PAXBP1: variants seen among roughly 807,000 people sequenced by gnomAD.
PAXBP1 encodes PAX3- and PAX7-binding protein 1.
PAXBP1 carries 44 observed loss-of-function variants against 119.9 expected under a neutral mutation model. That is an observed-to-expected ratio of 0.37 (90% CI 0.29 to 0.47). PAXBP1 has a LOEUF of 0.47. Among genes scored for constraint, PAXBP1 ranks in the 20% least tolerant of loss-of-function variants. The pLI is 0.99. For synonymous variants in PAXBP1, 393 were observed against 406.6 expected (o/e 0.97, Z 0.40); for missense variants, 898 against 1,134.1 (o/e 0.79, Z 2.99).
chr21:32,771,631 C>G lies in PAXBP1; in HGVS notation c.38G>C (p.Arg13Pro), dbSNP rs1477626593. 1 of 1,455,166 alleles carries G rather than the reference C, an allele frequency of 6.9e-7. No individual in the cohort carries two copies. The highest frequency in any genetic ancestry group is 1.5e-5 in the African/African-American group (1 of 67,708). The allele number at this position is 1,455,166 out of a possible 1,614,324, so 90.1% of individuals were successfully genotyped here. ...RKARRVNVRKRNDSEEEERER... is the reference protein window; with the variant it reads ...RKARRVNVRKPNDSEEEERER... ...CCGCTCTTCCTCTTCGGAGTCGTTC[C>G]GCTTGCGCACGTTCACCCGCCGGGC... is the stretch of plus-strand genomic sequence containing the variant. The change falls in exon 1 of 18, where the codon CGG (arginine) becomes CCG (proline). Residue 13 changes from arginine to proline, a missense_variant. This residue lies in a region of PAXBP1 where 299 missense variants were observed against 281.4 expected (regional missense o/e 1.06). Coordinates refer to ENST00000331923, the MANE Select transcript of PAXBP1 (RefSeq NM_016631.4).
intron 17 of PAXBP1, 69 bp from the exon 18 acceptor site, chr21:32,735,136 A>C: frequency 9.3e-7 from 1 of 1,077,568 alleles, no homozygotes; most frequent in Non-Finnish European, 1.4e-6. Flanking sequence ...TACTGATTTC[A>C]TGGCTATTTT....
intron 10 of PAXBP1, among the ~76,000 whole-genome samples, chr21:32,749,155 G>A (rs1480099514): frequency 9.9e-5 from 15 of 152,018 alleles, no homozygotes; most frequent in Admixed American, 9.8e-4. Flanking sequence ...TCAGCTGAAT[G>A]GATGCTAGGA....
rs780315998 is a variant in PAXBP1 at position 32,759,193 on chromosome 21, T to A, written c.1270A>T (p.Thr424Ser). 1.5e-5 allele frequency: 24 copies of A among 1,614,088 alleles called. No homozygotes were observed. Among genetic ancestry groups the A allele is most frequent in the Non-Finnish European group, 1.9e-5 (22 of 1,179,948 alleles). The change falls in exon 7 of 18, where the codon ACC becomes TCC. Residue 424 changes from threonine to serine, a missense_variant. Transcript: ENST00000331923. ...EKHLQSRVDS[T>S]RAIERLEGSS... is the part of the protein sequence containing the mutation. ...CCTTCTAATCTTTCAATAGCCCTGG[T>A]AGAGTCCACTCGGCTTTGCAGATGT... is the stretch of plus-strand genomic sequence containing the variant.
chr21:32,737,968 T>G (rs1361737660), intron 16 of PAXBP1, among the ~76,000 whole-genome samples: 1 of 150,654 alleles, frequency 6.6e-6, no homozygotes, highest in Non-Finnish European at 1.5e-5. Context: ...TATAGATGGA[T>G]ATATATATAT....
intron 3 of PAXBP1, among the ~76,000 whole-genome samples, chr21:32,763,532 A>G (rs1277494402): frequency 1.3e-5 from 2 of 152,250 alleles, no homozygotes. Flanking sequence ...CCAGAGTAGC[A>G]TATTTTTAAA....
chr21:32,736,898 A>C (rs1367967471), intron 17 of PAXBP1, among the ~76,000 whole-genome samples: 1 of 152,164 alleles, frequency 6.6e-6, no homozygotes, highest in Non-Finnish European at 1.5e-5. Context: ...TAAAACAAAA[A>C]ATCTCCCCAA....
intron 15 of PAXBP1, among the ~76,000 whole-genome samples, chr21:32,739,698 A>G (rs1367824444): frequency 6.6e-6 from 1 of 151,788 alleles, no homozygotes; most frequent in Non-Finnish European, 1.5e-5. Context: ...CGAGGTCAGG[A>G]GATCGAGACC....
chr21:32,752,392 T>C (rs2043970378), intron 8 of PAXBP1, among the ~76,000 whole-genome samples: 1 of 152,196 alleles, frequency 6.6e-6, no homozygotes. Context: ...TTCTACGTTT[T>C]AGTTCCACAC....
chr21:32,769,682 T>C (rs1601614307), intron 2 of PAXBP1, 132 bp downstream of exon 2: 4 of 784,612 alleles, frequency 5.1e-6, no homozygotes, highest in Admixed American at 3.2e-5. Context: ...AACAGAACTG[T>C]ACTGCTACTC....
At chr21:32,750,102 A>G (rs2043936383) in intron 10 of PAXBP1, among the ~76,000 whole-genome samples, 2 of 152,224 alleles carry the variant, frequency 1.3e-5, no homozygotes, top group African/African-American at 4.8e-5. Context: ...TAATCAGAAT[A>G]GGCATCTAAC....
In PAXBP1 at chr21:32,771,481, G is replaced by A. The variant is rs1461953103; in HGVS notation, c.188C>T (p.Pro63Leu). The A allele has an allele frequency of 9.0e-6, 12 of 1,328,752 alleles. No individual in the cohort carries two copies. The highest frequency in any genetic ancestry group is 1.1e-5 in the Non-Finnish European group (12 of 1,046,398). The allele number at this position is 1,328,752 out of a possible 1,614,324, so 82.3% of individuals were successfully genotyped here. Residue 63 changes from proline to leucine, a missense_variant, in exon 1 of 18, where the codon CCG becomes CTG. Physicochemically the swap from Pro to Leu is moderately conservative, Grantham distance 98. Transcript: ENST00000331923. The stretch of plus-strand genomic sequence containing the variant: ...GAGGCCCGGGGTCAGCGCGGAAGGC[G>A]GCGACGGCCCCGGGCCCAGCAGCGA... ...GESLLGPGPS[P>L]PSALTPGLGA...
chr21:32,734,097 G>GATTAAA lies in PAXBP1; in HGVS notation c.*852_*853insTTTAAT, dbSNP rs1443775471. The GATTAAA allele has an allele frequency of 1.2e-4, 18 of 152,624 alleles. No individual in the cohort carries two copies. The highest frequency in any genetic ancestry group is 4.3e-4 in the African/African-American group (18 of 41,446). 9.5% of individuals were successfully genotyped at this position (152,624 alleles called of 1,614,324 possible). A position where few individuals can be genotyped will look rare whatever the true frequency, so the allele number is the denominator to read the frequency against. Reference sequence around the variant, plus strand: ...ACCATGGATATTAAATTGCCTGGGTGTGGCTAATCAGCAAGGCGTATTCTT... The same window carrying GATTAAA: ...ACCATGGATATTAAATTGCCTGGGTGATTAAATGGCTAATCAGCAAGGCGTATTCTT... On this transcript the variant is annotated 3_prime_UTR_variant, in exon 18 of 18. Coordinates refer to ENST00000331923, the MANE Select transcript of PAXBP1 (RefSeq NM_016631.4).
intron 15 of PAXBP1, chr21:32,741,305 G>A (rs908005734): frequency 2.5e-6 from 1 of 407,276 alleles, no homozygotes; most frequent in African/African-American, 2.1e-5. Flanking sequence ...TTTGCCCTAT[G>A]AAGTTTCGCT....
chr21:32,737,339 T>G lies in PAXBP1; in HGVS notation c.2551A>C (p.Asn851His). 6.2e-7 allele frequency: 1 copy of G among 1,610,010 alleles called. No individual in the cohort carries two copies. Among genetic ancestry groups the G allele is most frequent in the Non-Finnish European group, 8.5e-7 (1 of 1,177,882 alleles). Reference sequence around the variant, plus strand: ...AAGTGTACAAGGTATCGGCAAAAGTTTTCTAACTGAGAAATAGTCCTTTCT... The same window carrying G: ...AAGTGTACAAGGTATCGGCAAAAGTGTTCTAACTGAGAAATAGTCCTTTCT... ...KGERTISQLE[N>H]FCRYLVHLAD... Residue 851 changes from asparagine (N) to histidine (H), a missense_variant, in exon 17 of 18, where the codon AAC becomes CAC. By Grantham distance (68) the Asn-to-His change is moderately conservative. Around this residue, in one of 2 missense-constraint regions of PAXBP1, gnomAD observed 599 missense variants for 852.7 expected, o/e 0.70. Coordinates refer to ENST00000331923, the MANE Select transcript of PAXBP1 (RefSeq NM_016631.4).
chr21:32,763,311 A>C (rs1292159425), intron 3 of PAXBP1, among the ~76,000 whole-genome samples: 1 of 152,170 alleles, frequency 6.6e-6, no homozygotes, highest in African/African-American at 2.4e-5. Flanking sequence ...CCCTCCTGCT[A>C]GACATTTTTT....
chr21:32,771,568 G>T lies in PAXBP1; in HGVS notation c.101C>A (p.Pro34Gln), dbSNP rs2044355339. The change falls in exon 1 of 18, where the codon CCG becomes CAG. Residue 34 changes from proline (P) to glutamine (Q), a missense_variant. Transcript: ENST00000331923. The stretch of plus-strand genomic sequence containing the variant: ...CGCCTCTTCGCCCGTGCCCGGCGGC[G>T]GCAACAACGGCGGCGGCTCCTGCTC... ...DEEQEPPPLLPPPGTGEEAGP... is the reference protein window; with the variant it reads ...DEEQEPPPLLQPPGTGEEAGP... 4 of 1,428,366 alleles carry T rather than the reference G, an allele frequency of 2.8e-6. No individual in the cohort carries two copies. Among genetic ancestry groups the T allele is most frequent in the Non-Finnish European group, 3.7e-6 (4 of 1,094,654 alleles). The allele number at this position is 1,428,366 out of a possible 1,614,324, so 88.5% of individuals were successfully genotyped here. A position where few individuals can be genotyped will look rare whatever the true frequency, so the allele number is the denominator to read the frequency against.
chr21:32,758,103 GA>G (rs1407249595), intron 7 of PAXBP1, among the ~76,000 whole-genome samples: 1 of 152,184 alleles, frequency 6.6e-6, no homozygotes, highest in Admixed American at 6.5e-5. Context: ...CCATCAGGAA[GA>G]AAGATCCATC....
At chr21:32,735,329 G>A (rs1017130374) in intron 17 of PAXBP1, among the ~76,000 whole-genome samples, 2 of 152,114 alleles carry the variant, frequency 1.3e-5, no homozygotes, top group Non-Finnish European at 2.9e-5. Flanking sequence ...AAAATTCATT[G>A]AGATCAATGA....
At position 32,771,655 on chromosome 21, in the gene PAXBP1, G is replaced by C; in HGVS notation, c.14C>G (p.Ala5Gly). 3.5e-6 allele frequency: 5 copies of C among 1,430,946 alleles called. No homozygotes were observed. Among genetic ancestry groups the C allele is most frequent in the African/African-American group, 1.5e-5 (1 of 67,258 alleles). The allele number at this position is 1,430,946 out of a possible 1,614,324, so 88.6% of individuals were successfully genotyped here. ...CCGCTTGCGCACGTTCACCCGCCGG[G>C]CCTTTCGGAACATCCCCGCGGCCCG... MFRK[A>G]RRVNVRKRND... The change falls in exon 1 of 18, where the codon GCC becomes GGC. Residue 5 changes from alanine (A) to glycine (G), a missense_variant. Ala to Gly is a moderately conservative substitution (Grantham distance 60). This residue lies in a region of PAXBP1 where 299 missense variants were observed against 281.4 expected (regional missense o/e 1.06). Transcript: ENST00000331923.
Sources: allele counts gnomAD v4.1 joint callset (sites outside exome capture counted in the v4.1 genomes callset), GRCh38; gene constraint gnomAD v4.1.1; regional missense constraint gnomAD v4.1.1; transcripts MANE v1.5; gene names NCBI Gene and HGNC (gene_info 2026-07-23, HGNC 2026-07-21).